ENTREP2: variants seen among roughly 807,000 people sequenced by gnomAD.
ENTREP2 encodes protein ENTREP2.
At chr15:29,563,149 C>T in the ENTREP2 span, among the ~76,000 whole-genome samples, 1 of 152,166 alleles carries the variant, frequency 6.6e-6, no homozygotes, top group Non-Finnish European at 1.5e-5. Context: ...TCAATGCTGA[C>T]TATTCTACAT....
chr15:29,400,668 G>GT, the ENTREP2 span, among the ~76,000 whole-genome samples: 2 of 152,160 alleles, frequency 1.3e-5, no homozygotes, highest in African/African-American at 2.4e-5. Flanking sequence ...GAATCTTGAA[G>GT]TAAGCCTTTT....
the ENTREP2 span, among the ~76,000 whole-genome samples, chr15:29,502,720 T>C: frequency 6.6e-6 from 1 of 152,028 alleles, no homozygotes; most frequent in Admixed American, 6.6e-5. Context: ...CCAGCATATA[T>C]AAAGGACTCC....
chr15:29,136,545 G>C, the ENTREP2 span: 5 of 1,536,582 alleles, frequency 3.3e-6, no homozygotes, highest in Non-Finnish European at 4.4e-6. Flanking sequence ...CGAAGGAGGA[G>C]GCAGAAGTGC....
chr15:29,642,913 A>G, the ENTREP2 span, among the ~76,000 whole-genome samples: 5 of 152,188 alleles, frequency 3.3e-5, no homozygotes, highest in South Asian at 1.0e-3. Context: ...CGCCTGGCCA[A>G]TAATATTCTT....
At chr15:29,344,131 T>C in the ENTREP2 span, among the ~76,000 whole-genome samples, 1 of 152,140 alleles carries the variant, frequency 6.6e-6, no homozygotes, top group African/African-American at 2.4e-5. Flanking sequence ...CAAACATAAC[T>C]TGTGGCAATC....
the ENTREP2 span, among the ~76,000 whole-genome samples, chr15:29,167,845 AT>A: frequency 6.6e-6 from 1 of 152,204 alleles, no homozygotes; most frequent in East Asian, 1.9e-4. Flanking sequence ...AGAATTCATT[AT>A]ATGAGGAAGA....
chr15:29,236,985 T>C, the ENTREP2 span, among the ~76,000 whole-genome samples: 2 of 152,164 alleles, frequency 1.3e-5, no homozygotes, highest in Non-Finnish European at 2.9e-5. Context: ...CAATAAAATA[T>C]GTACAAACCA....
the ENTREP2 span, among the ~76,000 whole-genome samples, chr15:29,356,296 ATT>A: frequency 5.2e-4 from 18 of 34,382 alleles, no homozygotes; most frequent in Admixed American, 5.8e-3. Flanking sequence ...ATATATATAT[ATT>A]TTTTTTTTTT....
the ENTREP2 span, among the ~76,000 whole-genome samples, chr15:29,622,484 A>T: frequency 6.6e-6 from 1 of 152,206 alleles, no homozygotes; most frequent in Non-Finnish European, 1.5e-5. Flanking sequence ...CTAAGATTAC[A>T]GGCGTGAGCC....
chr15:29,664,224 C>A, the ENTREP2 span, among the ~76,000 whole-genome samples: 1 of 152,128 alleles, frequency 6.6e-6, no homozygotes, highest in Non-Finnish European at 1.5e-5. Flanking sequence ...TGAGTAGGGA[C>A]GGCTGTGTTG....
At chr15:29,202,384 T>C in the ENTREP2 span, among the ~76,000 whole-genome samples, 6 of 152,280 alleles carry the variant, frequency 3.9e-5, no homozygotes, top group Admixed American at 2.0e-4. Context: ...ATATTACATA[T>C]TTATGGGGTA....
chr15:29,314,607 T>C, the ENTREP2 span, among the ~76,000 whole-genome samples: 2 of 152,250 alleles, frequency 1.3e-5, no homozygotes, highest in African/African-American at 2.4e-5. Flanking sequence ...CATAGTTTTA[T>C]ATGTACTGGG....
the ENTREP2 span, among the ~76,000 whole-genome samples, chr15:29,228,071 C>T: frequency 1.3e-5 from 2 of 152,138 alleles, no homozygotes; most frequent in African/African-American, 2.4e-5. Flanking sequence ...GTGGCTCACA[C>T]CTGTAATCCC....
At chr15:29,484,294 A>G in the ENTREP2 span, among the ~76,000 whole-genome samples, 76,802 of 151,846 alleles carry the variant, frequency 0.51, 20,518 homozygotes, top group African/African-American at 0.7. Context: ...AAGTGGATTT[A>G]GGGGTCCCTT....
the ENTREP2 span, among the ~76,000 whole-genome samples, chr15:29,551,499 G>C: frequency 6.6e-5 from 10 of 152,100 alleles, no homozygotes; most frequent in Non-Finnish European, 1.2e-4. Context: ...CAATACATAT[G>C]CCTGGAGCTA....
the ENTREP2 span, among the ~76,000 whole-genome samples, chr15:29,444,234 GAAAGAAAGAAAGAA>G: frequency 3.0e-4 from 43 of 144,212 alleles, no homozygotes; most frequent in African/African-American, 1.0e-3. Context: ...AAGAAAGAAA[GAAAGAAAGAAAGAA>G]AGAGAAAGAG....
the ENTREP2 span, among the ~76,000 whole-genome samples, chr15:29,674,203 C>A: frequency 6.6e-6 from 1 of 151,010 alleles, no homozygotes; most frequent in Non-Finnish European, 1.5e-5. Flanking sequence ...CAACTCCTCG[C>A]TACCCCAGCC....
At chr15:29,164,343 C>T in the ENTREP2 span, among the ~76,000 whole-genome samples, 5,753 of 152,236 alleles carry the variant, frequency 0.038, 336 homozygotes, top group African/African-American at 0.13. Flanking sequence ...CATCTCAATT[C>T]CAACATTGAA....
the ENTREP2 span, among the ~76,000 whole-genome samples, chr15:29,304,592 C>A: frequency 6.6e-6 from 1 of 152,182 alleles, no homozygotes; most frequent in Non-Finnish European, 1.5e-5. Context: ...TCTCAACTCA[C>A]CAACCAGAGT....
Sources: allele counts gnomAD v4.1 joint callset (sites outside exome capture counted in the v4.1 genomes callset), GRCh38; gene constraint gnomAD v4.1.1; transcripts MANE v1.5; gene names NCBI Gene and HGNC (gene_info 2026-07-23, HGNC 2026-07-21).